Variants in SORBS2 observed in about 807,000 individuals in gnomAD.
SORBS2 encodes sorbin and SH3 domain containing 2, also known as sorbin and SH3 domain-containing protein 2.
SORBS2 carries 46 observed loss-of-function variants against 97.7 expected under a neutral mutation model. The observed-to-expected ratio is 0.47, with a 90% CI of 0.37 to 0.60. The LOEUF (loss-of-function observed/expected upper bound fraction) is 0.60, where lower values mean the gene tolerates loss of function less well. Ranked by LOEUF, SORBS2 falls within the 20% of genes least tolerant of loss-of-function variation. SORBS2 has a pLI of 0.00. For missense variants in SORBS2, 1,316 were observed against 1,282.3 expected (o/e 1.03, Z -0.40); for synonymous variants, 476 against 473.4 (o/e 1.01, Z -0.07).
intron 1 of SORBS2, among the ~76,000 whole-genome samples, chr4:185,860,753 G>A (rs2099223276): frequency 6.6e-6 from 1 of 152,124 alleles, no homozygotes; most frequent in Admixed American, 6.5e-5. Flanking sequence ...GCTTCCAGGT[G>A]GATTCAAAGA....
At chr4:185,783,151 C>T (rs1280570400) in intron 1 of SORBS2, among the ~76,000 whole-genome samples, 5 of 152,188 alleles carry the variant, frequency 3.3e-5, no homozygotes, top group African/African-American at 7.2e-5. Context: ...CGGTGAAGGA[C>T]GAATTAAGCC....
At chr4:185,919,722 A>G (rs1274705046) in intron 1 of SORBS2, among the ~76,000 whole-genome samples, 1 of 152,268 alleles carries the variant, frequency 6.6e-6, no homozygotes, top group East Asian at 1.9e-4. Context: ...TGACATCACC[A>G]GAAATAGCTG....
chr4:185,661,329 C>T (rs772201714), upstream of SORBS2, among the ~76,000 whole-genome samples: 25 of 151,594 alleles, frequency 1.6e-4, no homozygotes, highest in Admixed American at 5.9e-4. Flanking sequence ...TCTGAACATA[C>T]TTGACCATGT....
intron 1 of SORBS2, among the ~76,000 whole-genome samples, chr4:185,795,564 G>A (rs899109452): frequency 1.3e-5 from 2 of 151,430 alleles, no homozygotes; most frequent in Non-Finnish European, 2.9e-5. Flanking sequence ...CACAAGATGC[G>A]AAAAAAAAGA....
At chr4:185,876,223 T>G (rs2099233585) in intron 1 of SORBS2, among the ~76,000 whole-genome samples, 1 of 152,182 alleles carries the variant, frequency 6.6e-6, no homozygotes, top group African/African-American at 2.4e-5. Context: ...TTTTCCTGCC[T>G]CAGCCTCCTG....
At chr4:185,602,134 C>T (rs535873936) in intron 12 of SORBS2, among the ~76,000 whole-genome samples, 2 of 152,240 alleles carry the variant, frequency 1.3e-5, no homozygotes, top group East Asian at 1.9e-4. Context: ...CTCACCCTTC[C>T]GAGTAGCTGG....
intron 1 of SORBS2, among the ~76,000 whole-genome samples, chr4:185,913,648 A>C (rs1039075045): frequency 1.3e-5 from 2 of 152,166 alleles, no homozygotes; most frequent in African/African-American, 4.8e-5. Flanking sequence ...CTAGTTGGTT[A>C]TTGTTAGCAA....
At chr4:185,714,701 A>C (rs2098451093) in intron 2 of SORBS2, among the ~76,000 whole-genome samples, 1 of 152,200 alleles carries the variant, frequency 6.6e-6, no homozygotes, top group Non-Finnish European at 1.5e-5. Context: ...CCATGGTGGC[A>C]GACAAGAGAG....
intron 1 of SORBS2, among the ~76,000 whole-genome samples, chr4:185,791,037 G>A (rs183932574): frequency 3.5e-3 from 532 of 152,308 alleles, no homozygotes; most frequent in Middle Eastern, 0.01. Context: ...TAAGAGCATG[G>A]CAATGTAGTG....
chr4:185,925,771 A>G (rs1160216016), intron 1 of SORBS2, among the ~76,000 whole-genome samples: 1 of 152,174 alleles, frequency 6.6e-6, no homozygotes, highest in Admixed American at 6.5e-5. Context: ...CCATGGGTCA[A>G]GCAGGTATTA....
intron 4 of SORBS2, among the ~76,000 whole-genome samples, chr4:185,638,469 T>C (rs1362905160): frequency 3.9e-5 from 6 of 152,134 alleles, no homozygotes; most frequent in African/African-American, 1.4e-4. Context: ...TATGGACCAC[T>C]CTCTGCGGCA....
rs564957281 is a variant in SORBS2, at chr4:185,641,883, C to G, written c.396+4785G>C. Among the ~76,000 whole-genome samples the G allele has an allele frequency of 1.4e-4, 21 of 152,152 alleles. No homozygotes were observed. In the South Asian group the frequency reaches 3.5e-3, roughly 26 times the overall value. On this transcript the variant is annotated intron_variant, in intron 4 of 14. Coordinates refer to ENST00000418609, the Ensembl canonical transcript of SORBS2. Reference sequence around the variant, plus strand: ...ATCACAAGTGATCCTTACTTAAAAGCTACCAAGGGTGAACAACTTTAAAAA... The same window carrying G: ...ATCACAAGTGATCCTTACTTAAAAGGTACCAAGGGTGAACAACTTTAAAAA...
chr4:185,797,664 A>G (rs1345063505), intron 1 of SORBS2, among the ~76,000 whole-genome samples: 1 of 152,214 alleles, frequency 6.6e-6, no homozygotes. Context: ...AAGTAGGGAA[A>G]TAGGGGTCAG....
chr4:185,888,166 C>G (rs28513463), intron 1 of SORBS2, among the ~76,000 whole-genome samples: 1 of 152,102 alleles, frequency 6.6e-6, no homozygotes, highest in South Asian at 2.1e-4. Context: ...GTAAAATGCT[C>G]GTGCTAGTAA....
chr4:185,798,964 T>C (rs1357969989), intron 1 of SORBS2, among the ~76,000 whole-genome samples: 1 of 152,228 alleles, frequency 6.6e-6, no homozygotes, highest in African/African-American at 2.4e-5. Flanking sequence ...CTTGAAATAC[T>C]CATGTGCTTT....
chr4:185,667,848 A>G (rs2097643444), intron 4 of SORBS2, among the ~76,000 whole-genome samples: 2 of 151,426 alleles, frequency 1.3e-5, no homozygotes, highest in Admixed American at 6.6e-5. Flanking sequence ...AATAATTGCA[A>G]TCTTATTGGA....
At chr4:185,828,151 C>A (rs2153672960) in intron 1 of SORBS2, among the ~76,000 whole-genome samples, 1 of 152,188 alleles carries the variant, frequency 6.6e-6, no homozygotes, top group African/African-American at 2.4e-5. Context: ...TGTAAGGGAG[C>A]AGGAGAGGAA....
At chr4:185,859,790 G>A (rs1282145724) in intron 1 of SORBS2, among the ~76,000 whole-genome samples, 2 of 152,144 alleles carry the variant, frequency 1.3e-5, no homozygotes, top group Non-Finnish European at 2.9e-5. Flanking sequence ...TATGGCAGAG[G>A]CAATAGAAAC....
chr4:185,666,176 A>G, intron 4 of SORBS2: 1 of 1,289,754 alleles, frequency 7.8e-7, no homozygotes, highest in Non-Finnish European at 1.0e-6. Flanking sequence ...TTTACCTCCA[A>G]CACACTGGCA....
Sources: gnomAD v4.1 joint callset for allele counts (sites outside exome capture counted in the v4.1 genomes callset) on GRCh38, gnomAD v4.1.1 for gene constraint, MANE v1.5 for transcripts, NCBI Gene and HGNC (gene_info 2026-07-23, HGNC 2026-07-21) for gene names.